AKAP8L: variants seen among roughly 807,000 people sequenced by gnomAD.
AKAP8L encodes A-kinase anchoring protein 8 like, also known as A-kinase anchor protein 8-like.
Under a neutral mutation model 77.5 loss-of-function variants are expected in AKAP8L, and 34 were observed. The ratio of observed to expected loss-of-function variants is 0.44; its 90% CI spans 0.33 to 0.58. The LOEUF (loss-of-function observed/expected upper bound fraction) is 0.58, where lower values mean the gene tolerates loss of function less well. Among genes scored for constraint, AKAP8L ranks in the 20% least tolerant of loss-of-function variants. The pLI, the probability that AKAP8L is intolerant of heterozygous loss-of-function variation, is 0.02. For synonymous variants in AKAP8L, 342 were observed against 340.7 expected, an observed-to-expected ratio of 1.00 and a Z score of -0.04; for missense variants, 806 against 887.6, an observed-to-expected ratio of 0.91 and a Z score of 1.17.
chr19:15,399,644 C>T lies in AKAP8L; in HGVS notation c.1049-234G>A. The T allele has an allele frequency of 1.8e-6, 1 of 559,324 alleles. No individual in the cohort carries two copies. The highest frequency in any genetic ancestry group is 2.0e-5 in the South Asian group (1 of 49,744). The allele number at this position is 559,324 out of a possible 1,614,324, so 34.6% of individuals were successfully genotyped here. A position where few individuals can be genotyped will look rare whatever the true frequency, so the allele number is the denominator to read the frequency against. On this transcript the variant is annotated intron_variant, in intron 8 of 13. Transcript: ENST00000397410. The surrounding 1 kb of genome is among the most constrained non-coding windows in gnomAD (Gnocchi z 6.1). ...GATGACCCCTCCACTCTCCAGGACACCCATGCTCTCTGTGCAGTGGGCCAG... is the reference window on the plus strand; with the variant it reads ...GATGACCCCTCCACTCTCCAGGACATCCATGCTCTCTGTGCAGTGGGCCAG...
chr19:15,408,783 A>T (rs746198780), intron 2 of AKAP8L, among the ~76,000 whole-genome samples: 25 of 150,888 alleles, frequency 1.7e-4, no homozygotes, highest in Non-Finnish European at 3.2e-4. Flanking sequence ...GAAGCGGGAG[A>T]ATGGCATGAA....
At position 15,401,100 on chromosome 19, in the gene AKAP8L, C is replaced by A; in HGVS notation, c.816+50G>T. 1 of 1,607,362 alleles carries A rather than the reference C, an allele frequency of 6.2e-7. No homozygotes were observed. The highest frequency in any genetic ancestry group is 8.5e-7 in the Non-Finnish European group (1 of 1,179,720). Reference sequence around the variant, plus strand: ...GTGCATGGCACCCGGCCCTTAGCTCCGCCCCAGTGGGAACTAAGCTTCCCA... The same window carrying A: ...GTGCATGGCACCCGGCCCTTAGCTCAGCCCCAGTGGGAACTAAGCTTCCCA... On this transcript the variant is annotated intron_variant, in intron 5 of 13. Transcript: ENST00000397410. This position sits in a 1 kb window ranked among gnomAD's most constrained non-coding sequence, Gnocchi z 6.2.
At chr19:15,413,500 C>T (rs550243081) in intron 1 of AKAP8L, among the ~76,000 whole-genome samples, 5 of 152,292 alleles carry the variant, frequency 3.3e-5, no homozygotes, top group Admixed American at 3.3e-4. Flanking sequence ...CAGATCCAGT[C>T]TTCTACCTTC....
At position 15,398,940 on chromosome 19, in the gene AKAP8L, A is replaced by G. The variant is rs1317521342; in HGVS notation, c.1157+362T>C. ...TCTTGGCAGCTAGCTGGGGCGGCAC[A>G]GGCGCCTTGGACCTTGAGTCTCTGA... is the stretch of plus-strand genomic sequence containing the variant. On this transcript the variant is annotated intron_variant, in intron 9 of 13. Transcript: ENST00000397410. This position sits in a 1 kb window ranked among gnomAD's most constrained non-coding sequence, Gnocchi z 9.2. The G allele has an allele frequency of 2.2e-6, 1 of 446,598 alleles. No individual in the cohort carries two copies. Among genetic ancestry groups the G allele is most frequent in the Non-Finnish European group, 3.4e-6 (1 of 293,276 alleles). 27.7% of individuals were successfully genotyped at this position (446,598 alleles called of 1,614,324 possible).
intron 12 of AKAP8L, among the ~76,000 whole-genome samples, chr19:15,394,663 C>A (rs1035653355): frequency 6.6e-6 from 1 of 152,108 alleles, no homozygotes; most frequent in African/African-American, 2.4e-5. Flanking sequence ...CCCACCTTGG[C>A]TTCCCAAAGT....
At chr19:15,408,687 T>C (rs1198332061) in intron 2 of AKAP8L, among the ~76,000 whole-genome samples, 1 of 150,408 alleles carries the variant, frequency 6.6e-6, no homozygotes, top group Non-Finnish European at 1.5e-5. Flanking sequence ...CTCGAGAACA[T>C]CCTGGCAAAT....
intron 12 of AKAP8L, among the ~76,000 whole-genome samples, chr19:15,390,066 T>C (rs1967628733): frequency 1.3e-5 from 2 of 151,632 alleles, no homozygotes; most frequent in South Asian, 4.2e-4. Context: ...AACCCCAGAC[T>C]ATCTGAATAT....
In AKAP8L at chr19:15,403,414, G is replaced by A. The variant is rs748101475; in HGVS notation, c.362+61C>T. 134 of 1,522,864 alleles carry A rather than the reference G, an allele frequency of 8.8e-5. No individual in the cohort carries two copies. The highest frequency in any genetic ancestry group is 1.1e-4 in the Non-Finnish European group (121 of 1,100,776). 94.3% of individuals were successfully genotyped at this position (1,522,864 alleles called of 1,614,324 possible). A position where few individuals can be genotyped will look rare whatever the true frequency, so the allele number is the denominator to read the frequency against. On this transcript the variant is annotated intron_variant, in intron 4 of 13. Coordinates refer to ENST00000397410, the MANE Select transcript of AKAP8L (RefSeq NM_014371.4). The surrounding 1 kb of genome is among the most constrained non-coding windows in gnomAD (Gnocchi z 4.3). ...AGGGGCACTCAGAGAGGAAAACGCAGTGGGCAGCAGGCAGGAGCCGCCCCT... is the reference window on the plus strand; with the variant it reads ...AGGGGCACTCAGAGAGGAAAACGCAATGGGCAGCAGGCAGGAGCCGCCCCT...
chr19:15,393,807 C>T lies in AKAP8L; in HGVS notation c.1536+3343G>A, dbSNP rs538283701. 4.0e-5 allele frequency among the ~76,000 whole-genome samples: 6 copies of T among 151,044 alleles called. No homozygotes were observed. In the Admixed American group the frequency reaches 4.0e-4, roughly 10 times the overall value. On this transcript the variant is annotated intron_variant, in intron 12 of 13. Transcript: ENST00000397410. ...TGGTGGCACATGCCTGTAATCCCAGCTAGGAGAATTGCTTGGACCCGGGAG... is the reference window on the plus strand; with the variant it reads ...TGGTGGCACATGCCTGTAATCCCAGTTAGGAGAATTGCTTGGACCCGGGAG...
chr19:15,408,524 T>C (rs1322920654), intron 2 of AKAP8L, among the ~76,000 whole-genome samples: 84 of 138,328 alleles, frequency 6.1e-4, no homozygotes, highest in East Asian at 2.2e-3. Context: ...GATCGCGCCA[T>C]TGCACTCCAG....
Position 15,399,333 on chromosome 19 carries a change from T to C in AKAP8L, c.1126A>G (p.Lys376Glu). 1 of 1,613,886 alleles carries C rather than the reference T, an allele frequency of 6.2e-7. No individual in the cohort carries two copies. Among genetic ancestry groups the C allele is most frequent in the Non-Finnish European group, 8.5e-7 (1 of 1,179,860 alleles). Residue 376 changes from lysine to glutamate, a missense_variant, in exon 9 of 14, where the codon AAA (lysine) becomes GAA (glutamate). By Grantham distance (56) the Lys-to-Glu change is moderately conservative (BLOSUM62 1). Transcript: ENST00000397410. The surrounding 1 kb of genome is among the most constrained non-coding windows in gnomAD (Gnocchi z 6.1). The stretch of plus-strand genomic sequence containing the variant: ...ACCATGCGGTCTCGCTGCCGCTTTT[T>C]CTGCTTGTCCTGACTCTTCTTGCCT... ...QAGKKSQDKQ[K>E]KRQRDRMVER...
Position 15,398,820 on chromosome 19 carries a change from CCCGGCCTGACAGGG to C in AKAP8L, c.1157+468_1157+481del, listed in dbSNP as rs1472479083. ...CGTGAAGGGCTCAGCCGCAGACAGGCCCGGCCTGACAGGGCCGGCGGGCAGGGCAGAAGGCAGGC... is the reference window on the plus strand; with the variant it reads ...CGTGAAGGGCTCAGCCGCAGACAGGCCCGGCGGGCAGGGCAGAAGGCAGGC... On this transcript the variant is annotated intron_variant, in intron 9 of 13. Transcript: ENST00000397410. This position sits in a 1 kb window ranked among gnomAD's most constrained non-coding sequence, Gnocchi z 9.2. The C allele has an allele frequency of 6.9e-6, 7 of 1,016,738 alleles. No homozygotes were observed. Among genetic ancestry groups the C allele is most frequent in the East Asian group, 9.8e-5 (1 of 10,240 alleles). 63.0% of individuals were successfully genotyped at this position (1,016,738 alleles called of 1,614,324 possible). A position where few individuals can be genotyped will look rare whatever the true frequency, so the allele number is the denominator to read the frequency against.
rs184415018 is a variant in AKAP8L, at chr19:15,399,801, G to A, written c.1049-391C>T. On this transcript the variant is annotated intron_variant, in intron 8 of 13. Coordinates refer to ENST00000397410, the MANE Select transcript of AKAP8L (RefSeq NM_014371.4). The surrounding 1 kb of genome is among the most constrained non-coding windows in gnomAD (Gnocchi z 6.1). ...CCCCCAACCGGGCACCGCGGCAACAGTGGGCTGACGCTGGATTTGCTGTTA... is the reference window on the plus strand; with the variant it reads ...CCCCCAACCGGGCACCGCGGCAACAATGGGCTGACGCTGGATTTGCTGTTA... 1.2e-5 allele frequency: 4 copies of A among 326,140 alleles called. No individual in the cohort carries two copies. The East Asian group carries it at 2.2e-4, about 18-fold the overall frequency. 20.2% of individuals were successfully genotyped at this position (326,140 alleles called of 1,614,324 possible).
In AKAP8L at chr19:15,380,061, A is replaced by T. The variant is rs1967362114; in HGVS notation, c.*61T>A. The T allele has an allele frequency of 2.1e-6, 3 of 1,417,094 alleles. No individual in the cohort carries two copies. Among genetic ancestry groups the T allele is most frequent in the Non-Finnish European group, 2.7e-6 (3 of 1,095,776 alleles). The allele number at this position is 1,417,094 out of a possible 1,614,324, so 87.8% of individuals were successfully genotyped here. ...GAGAAACCCGGAGGTGGGATGGGAAAACTTTATTAGGTTTGGTTTCCAGCT... is the reference window on the plus strand; with the variant it reads ...GAGAAACCCGGAGGTGGGATGGGAATACTTTATTAGGTTTGGTTTCCAGCT... On this transcript the variant is annotated 3_prime_UTR_variant, in exon 14 of 14. Coordinates refer to ENST00000397410, the MANE Select transcript of AKAP8L (RefSeq NM_014371.4).
chr19:15,398,108 C>T lies in AKAP8L; in HGVS notation c.1158-253G>A. 1 of 512,760 alleles carries T rather than the reference C, an allele frequency of 2.0e-6. No homozygotes were observed. The highest frequency in any genetic ancestry group is 3.3e-5 in the East Asian group (1 of 30,306). The allele number at this position is 512,760 out of a possible 1,614,324, so 31.8% of individuals were successfully genotyped here. A position where few individuals can be genotyped will look rare whatever the true frequency, so the allele number is the denominator to read the frequency against. On this transcript the variant is annotated intron_variant, in intron 9 of 13. Coordinates refer to ENST00000397410, the MANE Select transcript of AKAP8L (RefSeq NM_014371.4). This position sits in a 1 kb window ranked among gnomAD's most constrained non-coding sequence, Gnocchi z 9.2. ...CTTCCCACAGGCAGGAGGCTGAAGC[C>T]TGAGACAGCAGCTGCTGCAACAGGC...
intron 12 of AKAP8L, among the ~76,000 whole-genome samples, chr19:15,387,150 T>A (rs192500568): frequency 6.6e-6 from 1 of 152,036 alleles, no homozygotes; most frequent in East Asian, 1.9e-4. Context: ...AAAGCAGAGG[T>A]CCCATGCCAG....
chr19:15,387,488 G>C (rs963396135), intron 12 of AKAP8L, among the ~76,000 whole-genome samples: 1 of 151,766 alleles, frequency 6.6e-6, no homozygotes, highest in African/African-American at 2.4e-5. Flanking sequence ...AACACTGATA[G>C]CTTTGTCCTT....
chr19:15,385,315 G>A (rs1967510577), intron 12 of AKAP8L, among the ~76,000 whole-genome samples: 1 of 148,176 alleles, frequency 6.7e-6, no homozygotes, highest in South Asian at 2.1e-4. Flanking sequence ...CCGAGTAGCT[G>A]GGACTACAGG....
chr19:15,411,957 C>G (rs1968113200), intron 1 of AKAP8L, among the ~76,000 whole-genome samples: 1 of 152,142 alleles, frequency 6.6e-6, no homozygotes, highest in Admixed American at 6.5e-5. Flanking sequence ...CGCCTGTAAT[C>G]CCAGCACTTT....
Sources: allele counts gnomAD v4.1 joint callset (sites outside exome capture counted in the v4.1 genomes callset), GRCh38; gene constraint gnomAD v4.1.1; non-coding constraint Gnocchi (gnomAD v3.1); transcripts MANE v1.5; gene names NCBI Gene and HGNC (gene_info 2026-07-23, HGNC 2026-07-21).